UBR3: variants seen among roughly 807,000 people sequenced by gnomAD.
UBR3 encodes ubiquitin protein ligase E3 component n-recognin 3, also known as E3 ubiquitin-protein ligase UBR3.
Under a neutral mutation model 243.2 loss-of-function variants are expected in UBR3, and 85 were observed. The ratio of observed to expected loss-of-function variants is 0.35; its 90% CI spans 0.29 to 0.42. UBR3 has a LOEUF of 0.42. Ranked by LOEUF, UBR3 falls within the 10% of genes least tolerant of loss-of-function variation. The probability of loss-of-function intolerance (pLI) is 1.00; values close to 1 mark genes in which losing one functional copy is unlikely to be tolerated. For missense variants in UBR3, 1,686 were observed against 2,300.8 expected (o/e 0.73, Z 5.47); for synonymous variants, 748 against 799.8 (o/e 0.94, Z 1.09).
intron 1 of UBR3, among the ~76,000 whole-genome samples, chr2:169,866,445 C>A (rs977124528): frequency 1.8e-4 from 28 of 151,414 alleles, no homozygotes; most frequent in African/African-American, 6.8e-4. Flanking sequence ...CCCACTGCAA[C>A]CTCCGCCTCC....
At chr2:169,984,361 A>C (rs2105386501) in intron 24 of UBR3, among the ~76,000 whole-genome samples, 1 of 152,250 alleles carries the variant, frequency 6.6e-6, no homozygotes, top group East Asian at 1.9e-4. Context: ...CCAGCATCCA[A>C]ATTGAGAAAT....
At chr2:169,828,146 T>A in intron 1 of UBR3, 94 bp downstream of exon 1, 2 of 1,251,342 alleles carry the variant, frequency 1.6e-6, no homozygotes, top group Non-Finnish European at 2.0e-6. Flanking sequence ...CTCTGAGCTG[T>A]CAAGGGGAGG....
At chr2:170,067,489 C>A (rs1553543471) in intron 35 of UBR3, among the ~76,000 whole-genome samples, 1 of 152,068 alleles carries the variant, frequency 6.6e-6, no homozygotes, top group Non-Finnish European at 1.5e-5. Flanking sequence ...ATAAAAGAGA[C>A]CTGAACAACA....
rs371680768 is a variant in UBR3 at position 169,962,075 on chromosome 2, G to T, written c.3634+3549G>T. ...GTCTTTGTTACTTTTTCTCTCTCTT[G>T]GATTACTCATTCTGGTGGAAGCCAG... On this transcript the variant is annotated intron_variant, in intron 24 of 38. Transcript: ENST00000272793. Among the ~76,000 whole-genome samples the T allele has an allele frequency of 1.8e-4, 28 of 151,672 alleles. No individual in the cohort carries two copies. The East Asian group carries it at 3.9e-3, about 21-fold the overall frequency.
intron 24 of UBR3, among the ~76,000 whole-genome samples, chr2:169,975,231 C>T (rs2105379419): frequency 6.6e-6 from 1 of 152,290 alleles, no homozygotes. Flanking sequence ...TGTTCAGGAA[C>T]ATGTTATTTA....
chr2:170,060,677 C>A (rs956401455), intron 33 of UBR3, among the ~76,000 whole-genome samples: 5 of 152,006 alleles, frequency 3.3e-5, no homozygotes, highest in African/African-American at 4.8e-5. Flanking sequence ...TTAGGTAACT[C>A]CCTCAGTCTT....
chr2:169,874,877 TA>T (rs960735287), intron 2 of UBR3, among the ~76,000 whole-genome samples: 4 of 152,152 alleles, frequency 2.6e-5, no homozygotes, highest in Non-Finnish European at 5.9e-5. Context: ...GTTTTTGTTT[TA>T]AAAAAATTAT....
chr2:169,828,297 G>A lies in UBR3; in HGVS notation c.545+245G>A, dbSNP rs149903076. 6.6e-5 allele frequency among the ~76,000 whole-genome samples: 10 copies of A among 152,324 alleles called. No homozygotes were observed. In the East Asian group the frequency reaches 1.4e-3, roughly 21 times the overall value. ...GGCTGTGAATTTTGGGGAAGCCAGG[G>A]TGGGTAAATGATAGCGAGAAAAGAG... On this transcript the variant is annotated intron_variant, in intron 1 of 38. Transcript: ENST00000272793.
chr2:169,896,358 T>C (rs898464393), intron 7 of UBR3, 149 bp from the exon 8 acceptor site: 3 of 531,900 alleles, frequency 5.6e-6, no homozygotes, highest in East Asian at 6.7e-5. Flanking sequence ...AGTGAAAGAC[T>C]ACCTCACCAT....
At chr2:169,957,374 A>G (rs1285462771) in intron 23 of UBR3, among the ~76,000 whole-genome samples, 1 of 152,086 alleles carries the variant, frequency 6.6e-6, no homozygotes, top group Non-Finnish European at 1.5e-5. Flanking sequence ...GTGGAATACT[A>G]TGCAGCCATA....
intron 35 of UBR3, among the ~76,000 whole-genome samples, chr2:170,068,382 CACTTGA>C (rs962599544): frequency 3.3e-5 from 5 of 152,032 alleles, no homozygotes; most frequent in African/African-American, 1.2e-4. Flanking sequence ...GCAGGAGAAT[CACTTGA>C]ACTTTGGAGG....
At chr2:169,877,403 T>G in intron 3 of UBR3, 91 bp from the exon 4 acceptor site, 1 of 1,149,372 alleles carries the variant, frequency 8.7e-7, no homozygotes, top group Non-Finnish European at 1.2e-6. Flanking sequence ...CATTAGAATA[T>G]TCACCTATTT....
At chr2:169,876,653 G>T (rs1222959328) in intron 3 of UBR3, among the ~76,000 whole-genome samples, 1 of 151,836 alleles carries the variant, frequency 6.6e-6, no homozygotes, top group Non-Finnish European at 1.5e-5. Flanking sequence ...TGCCTCCTGG[G>T]TTCAAGCGAT....
In UBR3 at chr2:170,008,946, T is replaced by C; in HGVS notation, c.4367+6T>C. ...TTTATGTACTCTGTTGCTAGGTAGG[T>C]ATATATAGTGTATACTTTTTAGTTT... On this transcript the variant is annotated splice_donor_region_variant and intron_variant, in intron 29 of 38. Coordinates refer to ENST00000272793, the MANE Select transcript of UBR3 (RefSeq NM_172070.4). 1.3e-6 allele frequency: 2 copies of C among 1,550,376 alleles called. No homozygotes were observed. The highest frequency in any genetic ancestry group is 8.7e-7 in the Non-Finnish European group (1 of 1,154,140).
chr2:169,906,375 A>G (rs927845044), intron 10 of UBR3, among the ~76,000 whole-genome samples: 1 of 152,148 alleles, frequency 6.6e-6, no homozygotes, highest in African/African-American at 2.4e-5. Context: ...TATTGTGAAC[A>G]GTCTTCGGAA....
At chr2:169,909,333 A>G (rs2085156824) in intron 10 of UBR3, among the ~76,000 whole-genome samples, 1 of 152,192 alleles carries the variant, frequency 6.6e-6, no homozygotes, top group Non-Finnish European at 1.5e-5. Flanking sequence ...CTGTTCCTGG[A>G]GAAGACTGGA....
intron 10 of UBR3, among the ~76,000 whole-genome samples, chr2:169,907,932 T>C (rs796944084): frequency 1.3e-5 from 2 of 152,064 alleles, no homozygotes; most frequent in African/African-American, 4.8e-5. Flanking sequence ...CCACCATGCC[T>C]GGCTCATTTT....
At chr2:169,926,076 A>G (rs929437465) in intron 14 of UBR3, among the ~76,000 whole-genome samples, 2 of 152,200 alleles carry the variant, frequency 1.3e-5, no homozygotes, top group African/African-American at 4.8e-5. Context: ...TAGGGGCTGT[A>G]TCTGGCTCTG....
intron 1 of UBR3, among the ~76,000 whole-genome samples, chr2:169,860,052 A>G (rs2083035914): frequency 6.6e-6 from 1 of 152,052 alleles, no homozygotes; most frequent in South Asian, 2.1e-4. Flanking sequence ...ATACAGTTCT[A>G]TTATATATCT....
Sources: gnomAD v4.1 joint callset for allele counts (sites outside exome capture counted in the v4.1 genomes callset) on GRCh38, gnomAD v4.1.1 for gene constraint, MANE v1.5 for transcripts, NCBI Gene and HGNC (gene_info 2026-07-23, HGNC 2026-07-21) for gene names.